CBFA2T2: variants seen among roughly 807,000 people sequenced by gnomAD.
The protein encoded by CBFA2T2 is protein CBFA2T2.
In CBFA2T2, 11 loss-of-function variants were observed where a neutral mutation model predicts 62.2. That is an observed-to-expected ratio of 0.18 (90% CI 0.11 to 0.29). The LOEUF (loss-of-function observed/expected upper bound fraction) is 0.29. Ranked by LOEUF, CBFA2T2 falls within the 10% of genes least tolerant of loss-of-function variation. CBFA2T2 has a pLI of 1.00. For synonymous variants in CBFA2T2, 295 were observed against 287.5 expected (o/e 1.03, Z -0.27); for missense variants, 592 against 774.1 (o/e 0.76, Z 2.79).
intron 1 of CBFA2T2, among the ~76,000 whole-genome samples, chr20:33,507,116 A>G (rs540201265): frequency 6.6e-6 from 1 of 152,330 alleles, no homozygotes; most frequent in Admixed American, 6.5e-5. Flanking sequence ...CAAACAGCTA[A>G]TTATACTAGA....
rs911232275 is a variant in CBFA2T2, at chr20:33,647,947, T to A, written c.*3301T>A. The A allele has an allele frequency of 1.3e-5, 2 of 152,270 alleles. No homozygotes were observed. Among genetic ancestry groups the A allele is most frequent in the Non-Finnish European group, 2.9e-5 (2 of 68,056 alleles). The allele number at this position is 152,270 out of a possible 1,614,324, so 9.4% of individuals were successfully genotyped here. On this transcript the variant is annotated 3_prime_UTR_variant, in exon 11 of 11. Transcript: ENST00000342704. ...GAGGGCCTCTGCCCAGGACCTTCTA[T>A]TCACATTTCAAGAATCCCTTTCTGA...
At chr20:33,491,567 T>C (rs1358924355) in intron 1 of CBFA2T2, among the ~76,000 whole-genome samples, 1 of 152,072 alleles carries the variant, frequency 6.6e-6, no homozygotes, top group African/African-American at 2.4e-5. Flanking sequence ...GGATTGAAGA[T>C]AGAAAAAGTA....
chr20:33,566,252 A>G (rs1220963787), intron 1 of CBFA2T2, among the ~76,000 whole-genome samples: 3 of 152,084 alleles, frequency 2.0e-5, no homozygotes, highest in Admixed American at 2.0e-4. Flanking sequence ...TGCCTGTTGT[A>G]TGTGATAATA....
chr20:33,517,848 G>T (rs774194346), intron 1 of CBFA2T2, among the ~76,000 whole-genome samples: 1 of 151,948 alleles, frequency 6.6e-6, no homozygotes, highest in Non-Finnish European at 1.5e-5. Flanking sequence ...GTTTCACTGT[G>T]TGGGCCAGGT....
chr20:33,587,532 C>T (rs2014429030), intron 1 of CBFA2T2, among the ~76,000 whole-genome samples: 1 of 152,112 alleles, frequency 6.6e-6, no homozygotes, highest in Admixed American at 6.6e-5. Flanking sequence ...TCCCAAAGGG[C>T]TGGGATTACA....
chr20:33,610,294 T>C (rs189689957), intron 2 of CBFA2T2, among the ~76,000 whole-genome samples: 4 of 152,296 alleles, frequency 2.6e-5, no homozygotes, highest in Non-Finnish European at 5.9e-5. Flanking sequence ...GATGACAGAA[T>C]GAGACCCTGC....
chr20:33,539,960 C>A (rs543449241), intron 1 of CBFA2T2, among the ~76,000 whole-genome samples: 1 of 152,108 alleles, frequency 6.6e-6, no homozygotes, highest in Non-Finnish European at 1.5e-5. Flanking sequence ...TGTGAGCCAC[C>A]ATGTCTGGCC....
At chr20:33,532,423 C>G (rs537422084) in intron 1 of CBFA2T2, among the ~76,000 whole-genome samples, 1 of 152,120 alleles carries the variant, frequency 6.6e-6, no homozygotes, top group Non-Finnish European at 1.5e-5. Flanking sequence ...GCAGCATACC[C>G]GATCTACTAG....
chr20:33,535,623 CTTTTTTT>C (rs921017430), intron 1 of CBFA2T2, among the ~76,000 whole-genome samples: 4 of 117,490 alleles, frequency 3.4e-5, no homozygotes, highest in Admixed American at 2.1e-4. Context: ...TTTATTTTTT[CTTTTTTT>C]TTTTGACCTT....
At chr20:33,529,604 A>G (rs1280532663) in intron 1 of CBFA2T2, among the ~76,000 whole-genome samples, 1 of 151,552 alleles carries the variant, frequency 6.6e-6, no homozygotes, top group Non-Finnish European at 1.5e-5. Context: ...GCAAAACGTT[A>G]GCTGGGCATG....
At chr20:33,631,283 T>C (rs1200493598) in intron 8 of CBFA2T2, among the ~76,000 whole-genome samples, 1 of 152,140 alleles carries the variant, frequency 6.6e-6, no homozygotes, top group Non-Finnish European at 1.5e-5. Context: ...CATTGCACTC[T>C]AGCCTGGGTG....
At chr20:33,554,630 G>C (rs1322793631) in intron 1 of CBFA2T2, among the ~76,000 whole-genome samples, 3 of 98,180 alleles carry the variant, frequency 3.1e-5, no homozygotes, top group African/African-American at 4.1e-5. Flanking sequence ...TTTTGAGATG[G>C]AGTTTCGCTT....
At chr20:33,548,590 G>C (rs1158998863) in intron 1 of CBFA2T2, among the ~76,000 whole-genome samples, 1 of 152,028 alleles carries the variant, frequency 6.6e-6, no homozygotes, top group Admixed American at 6.6e-5. Context: ...TTTCCTGTGG[G>C]TTCAGCAATA....
intron 1 of CBFA2T2, among the ~76,000 whole-genome samples, chr20:33,532,983 A>C (rs973928085): frequency 6.6e-6 from 1 of 152,152 alleles, no homozygotes; most frequent in Non-Finnish European, 1.5e-5. Flanking sequence ...TCTCATACAC[A>C]GCTGTTTCAA....
chr20:33,532,156 C>T (rs1037668439), intron 1 of CBFA2T2, among the ~76,000 whole-genome samples: 16 of 152,316 alleles, frequency 1.1e-4, no homozygotes, highest in African/African-American at 3.6e-4. Context: ...TCCCATCAAA[C>T]ACCTCTTTTC....
Position 33,514,206 on chromosome 20 carries a change from G to GTTTTTTT in CBFA2T2, c.34+23925_34+23931dup, listed in dbSNP as rs1196003433. On this transcript the variant is annotated intron_variant, in intron 1 of 10. Transcript: ENST00000342704. ...GCGTGAGCCACCGTGCCCTGCCTTT[G>GTTTTTTT]TTTTTTTTTTTTTTTTTTTTTTTTT... 5.6e-5 allele frequency among the ~76,000 whole-genome samples: 3 copies of GTTTTTTT among 53,330 alleles called. 1 individual carries two copies. The highest frequency in any genetic ancestry group is 1.1e-4 in the Non-Finnish European group (3 of 28,310). 35.0% of individuals were successfully genotyped at this position (53,330 alleles called of 152,430 possible).
chr20:33,556,746 T>G (rs1333609840), intron 1 of CBFA2T2, among the ~76,000 whole-genome samples: 5 of 152,184 alleles, frequency 3.3e-5, no homozygotes, highest in African/African-American at 1.2e-4. Context: ...GTGGTAATTT[T>G]CTAATTCCAT....
At chr20:33,643,333 T>C (rs968062055) in intron 10 of CBFA2T2, among the ~76,000 whole-genome samples, 2 of 152,120 alleles carry the variant, frequency 1.3e-5, no homozygotes, top group Non-Finnish European at 2.9e-5. Context: ...TCCAGCTCTT[T>C]AGGAGGTCAA....
rs1190886017 is a variant in CBFA2T2, at chr20:33,607,117, C to A, written c.178+18C>A. Reference sequence around the variant, plus strand: ...TACTGCATGTGAGACCTCTTAGTTACTTATGTTTGTAGTTCAGAGTGACAT... The same window carrying A: ...TACTGCATGTGAGACCTCTTAGTTAATTATGTTTGTAGTTCAGAGTGACAT... On this transcript the variant is annotated intron_variant, in intron 2 of 10. Coordinates refer to ENST00000342704, the MANE Select transcript of CBFA2T2 (RefSeq NM_001032999.3). 4 of 1,608,866 alleles carry A rather than the reference C, an allele frequency of 2.5e-6. No homozygotes were observed. Among genetic ancestry groups the A allele is most frequent in the African/African-American group, 1.3e-5 (1 of 74,764 alleles).
Sources: allele counts gnomAD v4.1 joint callset (sites outside exome capture counted in the v4.1 genomes callset), GRCh38; gene constraint gnomAD v4.1.1; transcripts MANE v1.5; gene names NCBI Gene and HGNC (gene_info 2026-07-23, HGNC 2026-07-21).